ARHGAP10: variants seen among roughly 807,000 people sequenced by gnomAD.
ARHGAP10 encodes rho GTPase-activating protein 10.
Under a neutral mutation model 108.6 loss-of-function variants are expected in ARHGAP10, and 87 were observed. The ratio of observed to expected loss-of-function variants is 0.80; its 90% CI spans 0.67 to 0.96. ARHGAP10 has a LOEUF of 0.96. Ranked by LOEUF, ARHGAP10 falls within the 40% of genes least tolerant of loss-of-function variation. The probability of loss-of-function intolerance (pLI) is 0.00; values close to 1 mark genes in which losing one functional copy is unlikely to be tolerated. For synonymous variants in ARHGAP10, 347 were observed against 341.1 expected (o/e 1.02, Z -0.19); for missense variants, 939 against 954.5 (o/e 0.98, Z 0.21).
intron 18 of ARHGAP10, among the ~76,000 whole-genome samples, chr4:147,973,835 C>G (rs994468180): frequency 6.6e-6 from 1 of 152,210 alleles, no homozygotes; most frequent in Non-Finnish European, 1.5e-5. Flanking sequence ...TAATTACCTT[C>G]AGTTCCATCC....
chr4:147,934,737 C>T (rs1737859009), intron 13 of ARHGAP10, among the ~76,000 whole-genome samples: 1 of 152,152 alleles, frequency 6.6e-6, no homozygotes, highest in Admixed American at 6.5e-5. Flanking sequence ...GAGGGGCTGA[C>T]ATGGGAGGAT....
intron 13 of ARHGAP10, among the ~76,000 whole-genome samples, chr4:147,925,824 A>G (rs1421902105): frequency 6.6e-6 from 1 of 152,196 alleles, no homozygotes; most frequent in Non-Finnish European, 1.5e-5. Flanking sequence ...TCATTCCCTG[A>G]GCCCTGATTC....
chr4:147,890,719 C>T (rs542046108), intron 10 of ARHGAP10, among the ~76,000 whole-genome samples: 35 of 151,930 alleles, frequency 2.3e-4, no homozygotes, highest in African/African-American at 8.0e-4. Flanking sequence ...CCCAGCTACT[C>T]GGGAGGCTGA....
intron 1 of ARHGAP10, among the ~76,000 whole-genome samples, chr4:147,775,230 C>T (rs1730238489): frequency 6.6e-6 from 1 of 152,140 alleles, no homozygotes; most frequent in South Asian, 2.1e-4. Context: ...ATTAAGTGCC[C>T]TCAGCATTCT....
intron 18 of ARHGAP10, among the ~76,000 whole-genome samples, chr4:147,999,347 T>C (rs932255781): frequency 3.3e-5 from 5 of 152,248 alleles, no homozygotes; most frequent in Non-Finnish European, 5.9e-5. Flanking sequence ...CCTCCCTTTG[T>C]GAGCTCTGTT....
At chr4:147,917,041 A>G (rs1354517585) in intron 13 of ARHGAP10, 2 of 152,196 alleles carry the variant, frequency 1.3e-5, no homozygotes, top group Non-Finnish European at 2.9e-5. Context: ...TCCAACAAAC[A>G]TAACTCTGGT....
At chr4:147,869,998 TTGTGTGTGTG>T (rs1553958575) in intron 7 of ARHGAP10, among the ~76,000 whole-genome samples, 3 of 93,068 alleles carry the variant, frequency 3.2e-5, no homozygotes, top group African/African-American at 1.3e-4. Context: ...AAGTCCCAGT[TTGTGTGTGTG>T]TGTGTGTGTG....
Position 147,866,836 on chromosome 4 carries a change from C to G in ARHGAP10, c.702+20C>G. On this transcript the variant is annotated intron_variant, in intron 7 of 22. Transcript: ENST00000336498. ...CAGAATGTAAGGAAGTGAAAGCTTT[C>G]TTTATAAAAAGATGTTTGAAAAGTA... is the stretch of plus-strand genomic sequence containing the variant. 1 of 1,544,944 alleles carries G rather than the reference C, an allele frequency of 6.5e-7. No individual in the cohort carries two copies. The highest frequency in any genetic ancestry group is 2.2e-5 in the East Asian group (1 of 44,526).
In ARHGAP10 at chr4:148,072,238, G is replaced by T; in HGVS notation, c.*157G>T. ...GTCAGCCCTGGGGGTGGGGGGTGGT[G>T]GGCAGGGATGGGACGCACCACACAG... On this transcript the variant is annotated 3_prime_UTR_variant, in exon 23 of 23. Coordinates refer to ENST00000336498, the MANE Select transcript of ARHGAP10 (RefSeq NM_024605.4). 2 of 489,618 alleles carry T rather than the reference G, an allele frequency of 4.1e-6. No individual in the cohort carries two copies. Among genetic ancestry groups the T allele is most frequent in the East Asian group, 4.3e-5 (1 of 23,188 alleles). The allele number at this position is 489,618 out of a possible 1,614,324, so 30.3% of individuals were successfully genotyped here. A position where few individuals can be genotyped will look rare whatever the true frequency, so the allele number is the denominator to read the frequency against.
At chr4:147,740,128 A>G (rs190238822) in intron 1 of ARHGAP10, among the ~76,000 whole-genome samples, 1 of 149,334 alleles carries the variant, frequency 6.7e-6, no homozygotes, top group Admixed American at 6.8e-5. Flanking sequence ...GGCTCACTGC[A>G]ACCTCCGCCT....
intron 10 of ARHGAP10, among the ~76,000 whole-genome samples, chr4:147,897,875 A>AT (rs980700317): frequency 2.0e-5 from 3 of 151,812 alleles, no homozygotes; most frequent in Non-Finnish European, 2.9e-5. Context: ...ATATTTATTT[A>AT]TTTTTTTGAG....
chr4:148,042,319 T>C (rs1457464511), intron 19 of ARHGAP10, among the ~76,000 whole-genome samples: 1 of 152,206 alleles, frequency 6.6e-6, no homozygotes, highest in African/African-American at 2.4e-5. Flanking sequence ...ACTTCCCTGC[T>C]TAATCCCTGC....
intron 5 of ARHGAP10, chr4:147,863,904 CACT>C (rs1205800427): frequency 6.6e-6 from 1 of 152,152 alleles, no homozygotes; most frequent in Non-Finnish European, 1.5e-5. Flanking sequence ...TCACCAACAC[CACT>C]ACTTTTCTTT....
intron 8 of ARHGAP10, among the ~76,000 whole-genome samples, chr4:147,876,604 A>C (rs1735071304): frequency 6.6e-6 from 1 of 152,186 alleles, no homozygotes; most frequent in Non-Finnish European, 1.5e-5. Flanking sequence ...AAAAAAGGAA[A>C]AAAACAAAAC....
rs1273145366 is a variant in ARHGAP10 at position 147,784,647 on chromosome 4, ATATATATTATAAAATATATAT to A, written c.155-38066_155-38046del. Among the ~76,000 whole-genome samples the A allele has an allele frequency of 5.2e-3, 249 of 47,548 alleles. 4 individuals carry two copies. The highest frequency in any genetic ancestry group is 5.3e-3 in the African/African-American group (65 of 12,254). 31.2% of individuals were successfully genotyped at this position (47,548 alleles called of 152,430 possible). On this transcript the variant is annotated intron_variant, in intron 1 of 22. Transcript: ENST00000336498. The stretch of plus-strand genomic sequence containing the variant: ...ATATATTATATATTATAAATATAAA[ATATATATTATAAAATATATAT>A]TATATATTATAAATATAAAATATAT...
chr4:147,745,640 C>T (rs1560735807), intron 1 of ARHGAP10, among the ~76,000 whole-genome samples: 1 of 152,064 alleles, frequency 6.6e-6, no homozygotes, highest in Non-Finnish European at 1.5e-5. Flanking sequence ...TACAGGCGCC[C>T]ACAACCACGC....
intron 7 of ARHGAP10, 90 bp from the exon 8 acceptor site, chr4:147,874,930 TG>T: frequency 7.7e-7 from 1 of 1,298,522 alleles, no homozygotes; most frequent in Non-Finnish European, 1.0e-6. Context: ...AGTTAAAAAA[TG>T]TAATTACATT....
chr4:147,830,512 C>CTT lies in ARHGAP10; in HGVS notation c.312+7577_312+7578dup, dbSNP rs56946602. Among the ~76,000 whole-genome samples the CTT allele has an allele frequency of 1.0e-3, 103 of 102,254 alleles. 1 individual carries two copies. Among genetic ancestry groups the CTT allele is most frequent in the African/African-American group, 3.7e-3 (91 of 24,634 alleles). 67.1% of individuals were successfully genotyped at this position (102,254 alleles called of 152,430 possible). A position where few individuals can be genotyped will look rare whatever the true frequency, so the allele number is the denominator to read the frequency against. ...TTTTAAATGGTCAAAACCACAATTC[C>CTT]TTTTTTTTTTTTTTTTTTTTTTTGA... On this transcript the variant is annotated intron_variant, in intron 3 of 22. Transcript: ENST00000336498.
chr4:147,982,317 G>A (rs1417109579), intron 18 of ARHGAP10, among the ~76,000 whole-genome samples: 3 of 149,866 alleles, frequency 2.0e-5, no homozygotes, highest in Non-Finnish European at 3.0e-5. Flanking sequence ...CCTTGGACTC[G>A]GTCGTCTTGT....
Sources: gnomAD v4.1 joint callset for allele counts (sites outside exome capture counted in the v4.1 genomes callset) on GRCh38, gnomAD v4.1.1 for gene constraint, MANE v1.5 for transcripts, NCBI Gene and HGNC (gene_info 2026-07-23, HGNC 2026-07-21) for gene names.